Variants in KANSL1 observed in about 807,000 individuals in gnomAD.
The protein encoded by KANSL1 is MLL1/MLL complex subunit KANSL1.
In KANSL1, 22 loss-of-function variants were observed where a neutral mutation model predicts 103.6. That is an observed-to-expected ratio of 0.21 (90% confidence interval 0.15 to 0.30). The LOEUF (loss-of-function observed/expected upper bound fraction) is 0.30, where lower values mean the gene tolerates loss of function less well. KANSL1 is among the 10% of genes least tolerant of loss of function. The probability of loss-of-function intolerance (pLI) is 1.00; values close to 1 mark genes in which losing one functional copy is unlikely to be tolerated. For missense variants in KANSL1, 1,337 were observed against 1,399.8 expected, an observed-to-expected ratio of 0.96 and a Z score of 0.72; for synonymous variants, 600 against 527.6, an observed-to-expected ratio of 1.14 and a Z score of -1.88.
At chr17:46,109,320 C>CCGCTTTTA (rs1277393330) in intron 2 of KANSL1, among the ~76,000 whole-genome samples, 1 of 152,180 alleles carries the variant, frequency 6.6e-6, no homozygotes, top group Non-Finnish European at 1.5e-5. Flanking sequence ...AAAAACGTTT[C>CCGCTTTTA]CGCTTTTACA....
At chr17:46,052,115 T>G (rs906495623) in intron 6 of KANSL1, among the ~76,000 whole-genome samples, 1 of 151,992 alleles carries the variant, frequency 6.6e-6, no homozygotes, top group Non-Finnish European at 1.5e-5. Flanking sequence ...AATGAGTAGG[T>G]AGAGATGAAA....
intron 6 of KANSL1, among the ~76,000 whole-genome samples, chr17:46,056,157 C>G (rs1420475945): frequency 6.6e-6 from 1 of 152,164 alleles, no homozygotes; most frequent in Non-Finnish European, 1.5e-5. Context: ...ACCACCAAGC[C>G]TGGCTAATTT....
chr17:46,188,900 G>T (rs530499470), intron 1 of KANSL1, among the ~76,000 whole-genome samples: 2 of 151,980 alleles, frequency 1.3e-5, no homozygotes, highest in East Asian at 3.9e-4. Flanking sequence ...AGGCGTGGTG[G>T]TGGGCACCTG....
At chr17:46,186,979 G>A (rs923258821) in intron 1 of KANSL1, among the ~76,000 whole-genome samples, 1 of 151,932 alleles carries the variant, frequency 6.6e-6, no homozygotes, top group Non-Finnish European at 1.5e-5. Flanking sequence ...CAGGTGATCC[G>A]CCTCGGCCTC....
chr17:46,052,160 G>A (rs2077732858), intron 6 of KANSL1, among the ~76,000 whole-genome samples: 1 of 152,146 alleles, frequency 6.6e-6, no homozygotes, highest in African/African-American at 2.4e-5. Context: ...GGAGGATTTA[G>A]GAAAATTGGT....
At position 46,192,902 on chromosome 17, in the gene KANSL1, C is replaced by G. The variant is rs1271838194; in HGVS notation, c.-169G>C. 6.6e-6 allele frequency: 1 copy of G among 152,290 alleles called. No individual in the cohort carries two copies. Among genetic ancestry groups the G allele is most frequent in the African/African-American group, 2.4e-5 (1 of 41,342 alleles). 9.4% of individuals were successfully genotyped at this position (152,290 alleles called of 1,614,324 possible). On this transcript the variant is annotated 5_prime_UTR_variant, in exon 1 of 15. Transcript: ENST00000432791. ...TTTGCAAACAGCCCCCCGGCCTGGG[C>G]GCCGAGGGCCAGCGGCGGGCGGGGG...
chr17:46,102,007 T>A (rs1417979091), intron 2 of KANSL1, among the ~76,000 whole-genome samples: 1 of 152,142 alleles, frequency 6.6e-6, no homozygotes, highest in Non-Finnish European at 1.5e-5. Context: ...TCTATTAGAA[T>A]AGACATTGCA....
intron 6 of KANSL1, among the ~76,000 whole-genome samples, chr17:46,057,259 A>G (rs989160608): frequency 6.6e-6 from 1 of 152,206 alleles, no homozygotes; most frequent in African/African-American, 2.4e-5. Flanking sequence ...ATATGTTTCA[A>G]TCAATGACTC....
intron 2 of KANSL1, among the ~76,000 whole-genome samples, chr17:46,155,177 T>G: frequency 6.9e-6 from 1 of 144,762 alleles, no homozygotes; most frequent in African/African-American, 2.6e-5. Context: ...TTTTTTTTTT[T>G]TTTGAGATGG....
chr17:46,085,879 C>T (rs541852576), intron 3 of KANSL1, among the ~76,000 whole-genome samples: 5 of 152,134 alleles, frequency 3.3e-5, no homozygotes, highest in Admixed American at 2.0e-4. Context: ...CCACCTGCCT[C>T]GGCCTCTCAA....
chr17:46,064,721 C>G (rs576084430), intron 6 of KANSL1, among the ~76,000 whole-genome samples: 23 of 152,016 alleles, frequency 1.5e-4, no homozygotes, highest in Non-Finnish European at 3.1e-4. Context: ...CACTCCCTTC[C>G]CAATCCTTTC....
chr17:46,181,953 C>A (rs2046815582), intron 1 of KANSL1, among the ~76,000 whole-genome samples: 1 of 152,150 alleles, frequency 6.6e-6, no homozygotes, highest in Admixed American at 6.6e-5. Flanking sequence ...TTCTTAGACT[C>A]TTCCAATTCA....
chr17:46,031,832 G>C (rs1376672637), intron 14 of KANSL1, 129 bp from the exon 15 acceptor site: 8 of 1,052,956 alleles, frequency 7.6e-6, no homozygotes, highest in South Asian at 1.6e-5. Context: ...CGACAGTCTG[G>C]GAACACCCCT....
upstream of KANSL1, chr17:46,196,422 G>C (rs1464460963): frequency 2.2e-6 from 1 of 456,260 alleles, no homozygotes; most frequent in South Asian, 1.5e-5. Flanking sequence ...AAAGAGAACT[G>C]TGAGAAAAGG....
At chr17:46,168,029 CAA>C (rs1256830066) in intron 2 of KANSL1, among the ~76,000 whole-genome samples, 2 of 152,172 alleles carry the variant, frequency 1.3e-5, no homozygotes, top group African/African-American at 4.8e-5. Context: ...CTATCTTGGG[CAA>C]AAGAGTAAAA....
At chr17:46,092,937 T>G (rs1226557068) in intron 3 of KANSL1, 1 of 152,190 alleles carries the variant, frequency 6.6e-6, no homozygotes, top group Non-Finnish European at 1.5e-5. Flanking sequence ...CAATAGCATC[T>G]TAAGTTCTAT....
intron 1 of KANSL1, among the ~76,000 whole-genome samples, chr17:46,208,457 T>TA (rs1019568064): frequency 3.3e-5 from 5 of 150,974 alleles, no homozygotes; most frequent in East Asian, 2.0e-4. Context: ...ACTAAAAATA[T>TA]AAAAAAATAG....
chr17:46,188,010 G>A (rs1024757959), intron 1 of KANSL1, among the ~76,000 whole-genome samples: 6 of 152,120 alleles, frequency 3.9e-5, no homozygotes, highest in Non-Finnish European at 8.8e-5. Context: ...CAAGTATTTT[G>A]GTAAATCACA....
At chr17:46,086,997 G>T (rs1287237313) in intron 3 of KANSL1, among the ~76,000 whole-genome samples, 1 of 152,004 alleles carries the variant, frequency 6.6e-6, no homozygotes, top group Non-Finnish European at 1.5e-5. Context: ...CAAACTCTTG[G>T]GGCCAAGAGA....
Sources: gnomAD v4.1 joint callset for allele counts (sites outside exome capture counted in the v4.1 genomes callset) on GRCh38, gnomAD v4.1.1 for gene constraint, MANE v1.5 for transcripts, NCBI Gene and HGNC (gene_info 2026-07-23, HGNC 2026-07-21) for gene names.